HNRNPUL1: variants seen among roughly 807,000 people sequenced by gnomAD.
HNRNPUL1 encodes heterogeneous nuclear ribonucleoprotein U-like protein 1.
A neutral mutation model predicts 108.5 loss-of-function variants in HNRNPUL1; 14 were observed. The observed-to-expected ratio is 0.13, with a 90% CI of 0.09 to 0.20. The LOEUF (loss-of-function observed/expected upper bound fraction) is 0.20. Ranked by LOEUF, HNRNPUL1 falls within the 10% of genes least tolerant of loss-of-function variation. The pLI is 1.00. For synonymous variants in HNRNPUL1, 422 were observed against 445.2 expected, an observed-to-expected ratio of 0.95 and a Z score of 0.66; for missense variants, 804 against 1,168.3, an observed-to-expected ratio of 0.69 and a Z score of 4.55.
chr19:41,270,403 A>G (rs574413437), intron 2 of HNRNPUL1, among the ~76,000 whole-genome samples: 5 of 152,134 alleles, frequency 3.3e-5, no homozygotes, highest in African/African-American at 9.6e-5. Context: ...TCTGTCTCCA[A>G]AAAAATTTTT....
intron 2 of HNRNPUL1, among the ~76,000 whole-genome samples, chr19:41,269,480 G>GAAAAAAAAAAAAAAAA (rs35932282): frequency 2.1e-5 from 1 of 48,204 alleles, no homozygotes; most frequent in Non-Finnish European, 3.9e-5. Flanking sequence ...ACCCTGTCAC[G>GAAAAAAAAAAAAAAAA]AAAAAAAAAA....
rs561465996 is a variant in HNRNPUL1, at chr19:41,292,568, A to G, written c.1266+57A>G. On this transcript the variant is annotated intron_variant, in intron 8 of 14. Coordinates refer to ENST00000392006, the MANE Select transcript of HNRNPUL1 (RefSeq NM_007040.6). The surrounding 1 kb of genome is among the most constrained non-coding windows in gnomAD (Gnocchi z 4.1). ...CTTGCTGCCAAGACAGAGGAGACACACACACACACACACACACAGACTTGC... is the reference window on the plus strand; with the variant it reads ...CTTGCTGCCAAGACAGAGGAGACACGCACACACACACACACACAGACTTGC... 782 of 1,290,614 alleles carry G rather than the reference A, an allele frequency of 6.1e-4. 1 individual carries two copies. The highest frequency in any genetic ancestry group is 4.4e-5 in the Non-Finnish European group (43 of 967,896). 79.9% of individuals were successfully genotyped at this position (1,290,614 alleles called of 1,614,324 possible). A position where few individuals can be genotyped will look rare whatever the true frequency, so the allele number is the denominator to read the frequency against.
chr19:41,302,214 G>GTT lies in HNRNPUL1; in HGVS notation c.1688-431_1688-430dup, dbSNP rs58368849. On this transcript the variant is annotated intron_variant, in intron 11 of 14. Transcript: ENST00000392006. ...TGTCTACCTCTTTCTCTCTCTCTCT[G>GTT]TTTTTTTTTTTTTTTTTTTTTGGAG... Among the ~76,000 whole-genome samples, 570 of 92,388 alleles carry GTT rather than the reference G, an allele frequency of 6.2e-3. 19 individuals are homozygous for GTT. The highest frequency in any genetic ancestry group is 0.015 in the African/African-American group (328 of 21,728). 60.6% of individuals were successfully genotyped at this position (92,388 alleles called of 152,430 possible).
chr19:41,284,866 AG>A (rs2036123393), intron 7 of HNRNPUL1, among the ~76,000 whole-genome samples: 1 of 151,726 alleles, frequency 6.6e-6, no homozygotes, highest in South Asian at 2.1e-4. Flanking sequence ...CGTGGTGGCC[AG>A]CGCCTGTAGT....
chr19:41,293,511 G>A (rs557440182), intron 8 of HNRNPUL1, among the ~76,000 whole-genome samples: 7 of 152,182 alleles, frequency 4.6e-5, no homozygotes, highest in African/African-American at 1.4e-4. Context: ...CCCCTAGTCG[G>A]GCATTTAAGA....
chr19:41,303,350 AT>A (rs34393408), intron 12 of HNRNPUL1, among the ~76,000 whole-genome samples: 14,385 of 119,006 alleles, frequency 0.12, 668 homozygotes, highest in Non-Finnish European at 0.16. Flanking sequence ...GCTTCCTCTC[AT>A]TTTTTTTTTT....
At chr19:41,283,956 G>C (rs1043906040) in intron 7 of HNRNPUL1, among the ~76,000 whole-genome samples, 3 of 152,192 alleles carry the variant, frequency 2.0e-5, no homozygotes, top group African/African-American at 7.2e-5. Flanking sequence ...TTGCTATTAT[G>C]GTGAGCTCAA....
At chr19:41,270,887 G>A (rs2035193025) in intron 2 of HNRNPUL1, among the ~76,000 whole-genome samples, 1 of 152,228 alleles carries the variant, frequency 6.6e-6, no homozygotes, top group Middle Eastern at 3.4e-3. Flanking sequence ...AAGCCACTGC[G>A]CCTGGCCTCT....
chr19:41,304,411 GC>G, intron 13 of HNRNPUL1, 150 bp downstream of exon 13: 1 of 1,398,182 alleles, frequency 7.2e-7, no homozygotes, highest in African/African-American at 1.5e-5. Context: ...TTTCTCCCTG[GC>G]CGTGATCTTG....
At chr19:41,295,233 G>A (rs1174984751) in intron 10 of HNRNPUL1, among the ~76,000 whole-genome samples, 4 of 152,128 alleles carry the variant, frequency 2.6e-5, no homozygotes, top group Admixed American at 6.5e-5. Context: ...TCACAAATAC[G>A]TATGACTGGC....
chr19:41,287,749 G>A (rs1420957541), intron 7 of HNRNPUL1, among the ~76,000 whole-genome samples: 7 of 151,534 alleles, frequency 4.6e-5, no homozygotes, highest in African/African-American at 1.7e-4. Context: ...TAGTAGAGTC[G>A]GGGTTTCACC....
chr19:41,282,345 A>G (rs1442303077), intron 7 of HNRNPUL1, among the ~76,000 whole-genome samples: 2 of 151,780 alleles, frequency 1.3e-5, no homozygotes, highest in African/African-American at 2.4e-5. Context: ...ACTACACCCA[A>G]CTAATTTTGT....
At chr19:41,278,952 GCTT>G (rs1259225531) in intron 5 of HNRNPUL1, 122 bp from the exon 6 acceptor site, 5 of 730,426 alleles carry the variant, frequency 6.8e-6, no homozygotes, top group African/African-American at 1.7e-5. Flanking sequence ...CTGCTTAAAC[GCTT>G]CTTCTCCAGC....
intron 7 of HNRNPUL1, among the ~76,000 whole-genome samples, chr19:41,283,344 G>T (rs562219286): frequency 1.3e-5 from 2 of 152,098 alleles, no homozygotes; most frequent in African/African-American, 4.8e-5. Context: ...CTCGTGGCGC[G>T]ATCTCAACTC....
rs369469015 is a variant in HNRNPUL1, at chr19:41,294,737, C to G, written c.1518+51C>G. ...TCAGGAGAAGGGAGGGGACCCCTTG[C>G]ATGCCTGAGAATCTCCCTCTGGTCC... On this transcript the variant is annotated intron_variant, in intron 10 of 14. Transcript: ENST00000392006. This position sits in a 1 kb window ranked among gnomAD's most constrained non-coding sequence, Gnocchi z 4.3. The G allele has an allele frequency of 6.2e-6, 10 of 1,602,782 alleles. No individual in the cohort carries two copies. The African/African-American group carries it at 1.3e-4, about 21-fold the overall frequency.
intron 5 of HNRNPUL1, chr19:41,276,806 C>G (rs1251003596): frequency 6.6e-6 from 1 of 152,468 alleles, no homozygotes; most frequent in African/African-American, 2.4e-5. Context: ...CAGGATAAAA[C>G]AGGTTATTCT....
At chr19:41,303,945 C>T in intron 12 of HNRNPUL1, 27 bp from the exon 13 acceptor site, 1 of 1,585,522 alleles carries the variant, frequency 6.3e-7, no homozygotes, top group South Asian at 1.1e-5. Context: ...AATGATGGCG[C>T]CTTTCATCTG....
chr19:41,265,596 G>A (rs73550561), intron 1 of HNRNPUL1, among the ~76,000 whole-genome samples: 1,591 of 152,294 alleles, frequency 0.01, 31 homozygotes, highest in African/African-American at 0.032. Flanking sequence ...CTGGTGTCCA[G>A]AGGCTGGCGG....
At chr19:41,270,088 T>G (rs532633517) in intron 2 of HNRNPUL1, among the ~76,000 whole-genome samples, 13 of 152,278 alleles carry the variant, frequency 8.5e-5, no homozygotes, top group African/African-American at 1.4e-4. Flanking sequence ...GTTCAAGCGA[T>G]TCTCCTGCCT....
Sources: allele counts gnomAD v4.1 joint callset (sites outside exome capture counted in the v4.1 genomes callset), GRCh38; gene constraint gnomAD v4.1.1; non-coding constraint Gnocchi (gnomAD v3.1); transcripts MANE v1.5; gene names NCBI Gene and HGNC (gene_info 2026-07-23, HGNC 2026-07-21).